Variants in MILR1 observed in about 807,000 individuals in gnomAD.
MILR1 encodes allergin-1.
MILR1 carries 31 observed loss-of-function variants against 18.5 expected under a neutral mutation model. The observed-to-expected ratio is 1.68, with a 90% CI of 1.26 to 2.26. The LOEUF (loss-of-function observed/expected upper bound fraction) is 2.26. MILR1 is among the 30% of genes most tolerant of loss of function. The pLI is 0.00. For synonymous variants in MILR1, 85 were observed against 56.2 expected (o/e 1.51, Z -2.30); for missense variants, 257 against 157.4 (o/e 1.63, Z -3.38).
intron 4 of MILR1, among the ~76,000 whole-genome samples, chr17:64,460,234 C>T (rs1296933834): frequency 6.6e-6 from 1 of 152,138 alleles, no homozygotes; most frequent in South Asian, 2.1e-4. Flanking sequence ...CCATGTTGGC[C>T]AGGCTGGTCT....
rs970025392 is a variant in MILR1, at chr17:64,460,100, A to G, written c.653-722A>G. On this transcript the variant is annotated intron_variant, in intron 4 of 9. Transcript: ENST00000619286. ...GAGTGCAATGGCACGATCTCGGCTC[A>G]TTGCAACCTCCGCCTCCTGGGTTCA... Among the ~76,000 whole-genome samples the G allele has an allele frequency of 2.4e-3, 365 of 151,098 alleles. 3 individuals carry two copies. Among genetic ancestry groups the G allele is most frequent in the African/African-American group, 8.4e-3 (345 of 41,108 alleles).
the MILR1 span, among the ~76,000 whole-genome samples, chr17:64,481,941 G>A: frequency 6.9e-6 from 1 of 144,254 alleles, no homozygotes; most frequent in Non-Finnish European, 1.5e-5. Flanking sequence ...ACTAACATGT[G>A]TACAAATATT....
chr17:64,454,530 G>A (rs2037247623), intron 3 of MILR1, among the ~76,000 whole-genome samples: 1 of 152,200 alleles, frequency 6.6e-6, no homozygotes, highest in Admixed American at 6.5e-5. Flanking sequence ...ATCACAGAAA[G>A]TTCTACTGGG....
chr17:64,496,985 A>C, the MILR1 span: 1 of 1,597,940 alleles, frequency 6.3e-7, no homozygotes. Context: ...CCGAAGTTAA[A>C]GAGCACACTC....
chr17:64,472,336 C>G (rs1203445784), downstream of MILR1, among the ~76,000 whole-genome samples: 2 of 151,426 alleles, frequency 1.3e-5, no homozygotes, highest in Non-Finnish European at 2.9e-5. Flanking sequence ...TGTGGTGGCA[C>G]ATACCTGTAG....
the MILR1 span, chr17:64,490,348 G>A: frequency 5.4e-6 from 1 of 185,018 alleles, no homozygotes; most frequent in East Asian, 1.5e-4. Context: ...TGAGAAGAGA[G>A]CTTCTCAGTA....
intron 9 of MILR1, chr17:64,468,009 G>C: frequency 3.3e-6 from 1 of 306,450 alleles, no homozygotes; most frequent in Non-Finnish European, 6.4e-6. Context: ...TCCAGATTTA[G>C]CTAATGCCAA....
the MILR1 span, among the ~76,000 whole-genome samples, chr17:64,486,172 A>G: frequency 6.6e-6 from 1 of 152,152 alleles, no homozygotes; most frequent in Non-Finnish European, 1.5e-5. Context: ...CTCTGCTCTC[A>G]CTGAGCTCAG....
At chr17:64,465,412 T>G in intron 5 of MILR1, 40 bp from the exon 6 acceptor site, 1 of 1,425,304 alleles carries the variant, frequency 7.0e-7, no homozygotes, top group Non-Finnish European at 9.7e-7. Flanking sequence ...AAAATGTGGC[T>G]GAATTGGTTT....
the MILR1 span, chr17:64,496,589 G>A: frequency 6.2e-7 from 1 of 1,613,478 alleles, no homozygotes; most frequent in South Asian, 1.1e-5. Context: ...GGCGTCCACC[G>A]GGAATACCTG....
chr17:64,468,424 G>A lies in MILR1; in HGVS notation c.*143G>A. 2.5e-6 allele frequency: 1 copy of A among 395,260 alleles called. No individual in the cohort carries two copies. Among genetic ancestry groups the A allele is most frequent in the South Asian group, 1.9e-5 (1 of 53,658 alleles). 24.5% of individuals were successfully genotyped at this position (395,260 alleles called of 1,614,324 possible). ...ATGCCTCGACCTCCCGAGTAGCTGGGATTACAGGTGCCCGCTACCACGCCC... is the reference window on the plus strand; with the variant it reads ...ATGCCTCGACCTCCCGAGTAGCTGGAATTACAGGTGCCCGCTACCACGCCC... On this transcript the variant is annotated 3_prime_UTR_variant, in exon 10 of 10. Coordinates refer to ENST00000619286, the MANE Select transcript of MILR1 (RefSeq NM_001085423.2).
At chr17:64,452,082 GT>G (rs34558703) in intron 2 of MILR1, among the ~76,000 whole-genome samples, 189 of 137,166 alleles carry the variant, frequency 1.4e-3, no homozygotes, top group African/African-American at 2.5e-3. Flanking sequence ...TCCCAGCTAT[GT>G]TTTTTTTTTT....
chr17:64,457,584 CAAG>C lies in MILR1; in HGVS notation c.558_560del (p.Lys186del), dbSNP rs2037329442. 5 of 475,356 alleles carry C rather than the reference CAAG, an allele frequency of 1.1e-5. No homozygotes were observed. In the South Asian group the frequency reaches 2.7e-4, roughly 26 times the overall value. 29.4% of individuals were successfully genotyped at this position (475,356 alleles called of 1,614,324 possible). A position where few individuals can be genotyped will look rare whatever the true frequency, so the allele number is the denominator to read the frequency against. On this transcript the variant is annotated inframe_deletion, in exon 4 of 10. Coordinates refer to ENST00000619286, the MANE Select transcript of MILR1 (RefSeq NM_001085423.2). ...GGGAGCCTGCTGAATTTAACTTAAC[CAAG>C]AAGAATCCTGGAGAAGAGGAAGAGT...
downstream of MILR1, among the ~76,000 whole-genome samples, chr17:64,469,861 G>C (rs774392600): frequency 9.2e-5 from 14 of 152,138 alleles, no homozygotes; most frequent in Non-Finnish European, 1.6e-4. Flanking sequence ...CCTTTACCCT[G>C]TCAGGCTCTA....
the MILR1 span, chr17:64,496,347 C>A: frequency 8.9e-7 from 1 of 1,126,454 alleles, no homozygotes; most frequent in Admixed American, 2.1e-5. Context: ...CAAGATCCAG[C>A]AAGACTGCCT....
chr17:64,455,307 A>G (rs2037266622), intron 3 of MILR1, among the ~76,000 whole-genome samples: 1 of 152,198 alleles, frequency 6.6e-6, no homozygotes, highest in African/African-American at 2.4e-5. Flanking sequence ...AGGCCAGATC[A>G]ATAGGCACTA....
At chr17:64,471,773 G>A (rs782525233), downstream of MILR1, among the ~76,000 whole-genome samples, 2 of 152,188 alleles carry the variant, frequency 1.3e-5, no homozygotes, top group Non-Finnish European at 2.9e-5. Flanking sequence ...GCAACTTGGC[G>A]AAACCCTGTC....
the MILR1 span, chr17:64,497,157 G>C: frequency 1.5e-6 from 1 of 662,244 alleles, no homozygotes; most frequent in Non-Finnish European, 2.7e-6. Flanking sequence ...GCCCACCATG[G>C]CGGACGCCGG....
chr17:64,494,928 C>T, the MILR1 span, among the ~76,000 whole-genome samples: 1 of 152,176 alleles, frequency 6.6e-6, no homozygotes, highest in African/African-American at 2.4e-5. Flanking sequence ...AATCCCAGCA[C>T]TTTGGGAGGC....
Sources: gnomAD v4.1 joint callset for allele counts (sites outside exome capture counted in the v4.1 genomes callset) on GRCh38, gnomAD v4.1.1 for gene constraint, MANE v1.5 for transcripts, NCBI Gene and HGNC (gene_info 2026-07-23, HGNC 2026-07-21) for gene names.